Variants in QTMAN observed in about 807,000 individuals in gnomAD.
QTMAN encodes the protein tRNA-queuosine alpha-mannosyltransferase.
chr2:143,957,217 G>A, the QTMAN span: 1 of 1,592,720 alleles, frequency 6.3e-7, no homozygotes, highest in Non-Finnish European at 8.5e-7. Flanking sequence ...AAGAATTCAT[G>A]CTTAGCTGTT....
the QTMAN span, among the ~76,000 whole-genome samples, chr2:143,982,257 T>C: frequency 6.6e-6 from 1 of 151,708 alleles, no homozygotes; most frequent in East Asian, 1.9e-4. Flanking sequence ...TGAGACAGTG[T>C]TTCACTCTTG....
chr2:144,237,496 A>G, the QTMAN span, among the ~76,000 whole-genome samples: 1 of 152,188 alleles, frequency 6.6e-6, no homozygotes, highest in Admixed American at 6.5e-5. Flanking sequence ...AAGTAAATGA[A>G]CAGCGTTTCG....
the QTMAN span, among the ~76,000 whole-genome samples, chr2:144,141,624 C>T: frequency 6.8e-6 from 1 of 147,252 alleles, no homozygotes; most frequent in Non-Finnish European, 1.5e-5. Flanking sequence ...AGAAACAAAA[C>T]ACCGGGCTGC....
At chr2:144,133,471 T>A in the QTMAN span, among the ~76,000 whole-genome samples, 186 of 65,942 alleles carry the variant, frequency 2.8e-3, 7 homozygotes, top group East Asian at 0.077. Flanking sequence ...ATATTATATA[T>A]TATATAATAT....
At chr2:144,133,058 T>G in the QTMAN span, among the ~76,000 whole-genome samples, 1 of 128,536 alleles carries the variant, frequency 7.8e-6, no homozygotes, top group Non-Finnish European at 1.6e-5. Flanking sequence ...AAACCCTGTA[T>G]ACTGTACTAC....
At chr2:144,141,177 TTTCTGTTCA>T in the QTMAN span, among the ~76,000 whole-genome samples, 12 of 151,952 alleles carry the variant, frequency 7.9e-5, no homozygotes, top group Non-Finnish European at 1.6e-4. Flanking sequence ...TGAAGTACAC[TTTCTGTTCA>T]CAAGGGAGAA....
At chr2:143,981,369 T>C in the QTMAN span, among the ~76,000 whole-genome samples, 2 of 152,090 alleles carry the variant, frequency 1.3e-5, no homozygotes, top group East Asian at 3.9e-4. Flanking sequence ...GAATTAAACA[T>C]GGTTTGGAAT....
the QTMAN span, among the ~76,000 whole-genome samples, chr2:143,955,955 C>T: frequency 2.0e-4 from 30 of 152,274 alleles, no homozygotes; most frequent in African/African-American, 6.7e-4. Flanking sequence ...AGCGTGAAGC[C>T]GAGTGGTAGT....
At chr2:144,086,885 T>C in the QTMAN span, among the ~76,000 whole-genome samples, 3 of 152,138 alleles carry the variant, frequency 2.0e-5, no homozygotes, top group East Asian at 5.8e-4. Context: ...CCAGACACTA[T>C]ATCTATGGGA....
At chr2:144,252,875 C>G in the QTMAN span, among the ~76,000 whole-genome samples, 1 of 152,156 alleles carries the variant, frequency 6.6e-6, no homozygotes. Context: ...AATGGATAAA[C>G]AAACTGTGGT....
chr2:144,020,239 C>T, the QTMAN span, among the ~76,000 whole-genome samples: 1 of 152,178 alleles, frequency 6.6e-6, no homozygotes, highest in Non-Finnish European at 1.5e-5. Flanking sequence ...TGAAGACAGG[C>T]ATTTCCTGCC....
the QTMAN span, among the ~76,000 whole-genome samples, chr2:144,023,028 C>T: frequency 2.6e-5 from 4 of 151,664 alleles, no homozygotes; most frequent in Non-Finnish European, 4.4e-5. Context: ...ATTTTAAAAC[C>T]TACTTTATCT....
chr2:144,058,429 T>C, the QTMAN span, among the ~76,000 whole-genome samples: 1 of 152,212 alleles, frequency 6.6e-6, no homozygotes, highest in Non-Finnish European at 1.5e-5. Flanking sequence ...ACTGCCTTTT[T>C]CTTAACCCAG....
At chr2:144,277,573 T>G in the QTMAN span, among the ~76,000 whole-genome samples, 6 of 152,112 alleles carry the variant, frequency 3.9e-5, no homozygotes, top group African/African-American at 1.2e-4. Context: ...AAAATAAAAT[T>G]TATATACTAT....
the QTMAN span, chr2:144,177,219 T>G: frequency 1.4e-6 from 1 of 699,396 alleles, no homozygotes; most frequent in South Asian, 1.5e-5. Flanking sequence ...AGTCAACATG[T>G]GAAGACATCA....
chr2:144,266,632 T>G, the QTMAN span, among the ~76,000 whole-genome samples: 1 of 152,184 alleles, frequency 6.6e-6, no homozygotes, highest in South Asian at 2.1e-4. Flanking sequence ...AGTTGAAACA[T>G]CTCTTAAGAG....
At chr2:143,967,054 C>T in the QTMAN span, among the ~76,000 whole-genome samples, 55 of 152,208 alleles carry the variant, frequency 3.6e-4, no homozygotes, top group African/African-American at 1.3e-3. Context: ...AAGAGAAATG[C>T]TTGACTCACT....
At chr2:144,161,312 G>A in the QTMAN span, among the ~76,000 whole-genome samples, 1 of 152,132 alleles carries the variant, frequency 6.6e-6, no homozygotes, top group Non-Finnish European at 1.5e-5. Flanking sequence ...ATTCCCTGTG[G>A]CTGTCTTGTT....
At chr2:144,072,052 A>C in the QTMAN span, among the ~76,000 whole-genome samples, 2 of 152,074 alleles carry the variant, frequency 1.3e-5, no homozygotes, top group Non-Finnish European at 2.9e-5. Context: ...ATTTTCTACA[A>C]CCTTTTTAGT....
Sources: gnomAD v4.1 joint callset for allele counts (sites outside exome capture counted in the v4.1 genomes callset) on GRCh38, gnomAD v4.1.1 for gene constraint, MANE v1.5 for transcripts, NCBI Gene and HGNC (gene_info 2026-07-23, HGNC 2026-07-21) for gene names.